Variants in PCDHA10 observed in about 807,000 individuals in gnomAD.
PCDHA10 encodes the protein protocadherin alpha-10.
Under a neutral mutation model 61.2 loss-of-function variants are expected in PCDHA10, and 45 were observed. The ratio of observed to expected loss-of-function variants is 0.74; its 90% CI spans 0.58 to 0.94. The LOEUF is 0.94. Ranked by LOEUF, PCDHA10 falls within the 40% of genes least tolerant of loss-of-function variation. The pLI, the probability that PCDHA10 is intolerant of heterozygous loss-of-function variation, is 0.00. For synonymous variants in PCDHA10, 602 were observed against 548.8 expected, an observed-to-expected ratio of 1.10 and a Z score of -1.35; for missense variants, 1,278 against 1,236.2, an observed-to-expected ratio of 1.03 and a Z score of -0.51.
chr5:140,878,060 T>C (rs1251415258), intron 1 of PCDHA10: 2 of 426,090 alleles, frequency 4.7e-6, no homozygotes, highest in Non-Finnish European at 7.6e-6. Flanking sequence ...CCACACTTAA[T>C]ATTTTTCTTT....
chr5:140,884,168 A>G (rs1562800814), intron 1 of PCDHA10: 1 of 1,613,300 alleles, frequency 6.2e-7, no homozygotes, highest in South Asian at 1.1e-5. Context: ...GATCAGCACG[A>G]CGCGCCCTCT....
chr5:140,986,114 T>A (rs1465954606), intron 3 of PCDHA10, among the ~76,000 whole-genome samples: 1 of 152,168 alleles, frequency 6.6e-6, no homozygotes, highest in Non-Finnish European at 1.5e-5. Flanking sequence ...AAGATAAAGA[T>A]GCCACACTCT....
At chr5:140,895,332 G>C (rs1021596445) in intron 1 of PCDHA10, among the ~76,000 whole-genome samples, 1 of 151,584 alleles carries the variant, frequency 6.6e-6, no homozygotes, top group South Asian at 2.1e-4. Context: ...TTCTCAAATT[G>C]TTTTACTATG....
intron 1 of PCDHA10, chr5:140,862,950 G>A (rs559605019): frequency 1.1e-4 from 59 of 541,460 alleles, no homozygotes; most frequent in Non-Finnish European, 2.1e-4. Flanking sequence ...GAGCTGGTGC[G>A]GTATTCAGTG....
chr5:140,892,232 T>C (rs2063437812), intron 1 of PCDHA10, among the ~76,000 whole-genome samples: 1 of 152,176 alleles, frequency 6.6e-6, no homozygotes, highest in African/African-American at 2.4e-5. Context: ...GTGTTTTGTC[T>C]CCACATAAAC....
At chr5:140,865,966 T>C (rs1376241258) in intron 1 of PCDHA10, 5 of 152,194 alleles carry the variant, frequency 3.3e-5, no homozygotes, top group Non-Finnish European at 2.9e-5. Context: ...TTTTGTACAA[T>C]GTGTGATTGA....
At chr5:140,957,269 T>TC (rs2095346885) in intron 1 of PCDHA10, among the ~76,000 whole-genome samples, 1 of 152,070 alleles carries the variant, frequency 6.6e-6, no homozygotes, top group African/African-American at 2.4e-5. Context: ...TAAGCACTAG[T>TC]CCCCCCTTAC....
At chr5:140,929,663 G>A (rs1284467278) in intron 1 of PCDHA10, 1 of 336,002 alleles carries the variant, frequency 3.0e-6, no homozygotes, top group African/African-American at 2.1e-5. Context: ...TATTTAAAGT[G>A]AAGAATGAAA....
chr5:140,965,323 G>A (rs2095891055), intron 1 of PCDHA10, among the ~76,000 whole-genome samples: 1 of 152,176 alleles, frequency 6.6e-6, no homozygotes, highest in South Asian at 2.1e-4. Flanking sequence ...TTTTACTGAA[G>A]TGAATTTGTT....
chr5:140,884,150 A>G (rs782776110), intron 1 of PCDHA10: 14 of 1,613,346 alleles, frequency 8.7e-6, no homozygotes, highest in Non-Finnish European at 1.1e-5. Context: ...GGGGCTGTAC[A>G]CTGGCGAGAT....
At chr5:140,963,168 T>G (rs1554226465) in intron 1 of PCDHA10, among the ~76,000 whole-genome samples, 1 of 152,160 alleles carries the variant, frequency 6.6e-6, no homozygotes, top group East Asian at 1.9e-4. Flanking sequence ...ACATGCCATC[T>G]TACAGATATG....
chr5:140,999,011 A>G (rs2097843002), intron 3 of PCDHA10, among the ~76,000 whole-genome samples: 1 of 152,246 alleles, frequency 6.6e-6, no homozygotes, highest in Non-Finnish European at 1.5e-5. Flanking sequence ...CTGAGATTTG[A>G]ACCCAAGACT....
chr5:140,883,403 T>C (rs1009539034), intron 1 of PCDHA10: 1 of 1,614,168 alleles, frequency 6.2e-7, no homozygotes, highest in Non-Finnish European at 8.5e-7. Context: ...CGATCGTGAC[T>C]CTGGCTCAAA....
At chr5:140,864,927 G>T (rs2048656466) in intron 1 of PCDHA10, 1 of 152,138 alleles carries the variant, frequency 6.6e-6, no homozygotes, top group Non-Finnish European at 1.5e-5. Flanking sequence ...GCTTGGCAGG[G>T]TGTCTCAGGC....
At chr5:140,948,351 A>G (rs951541212) in intron 1 of PCDHA10, among the ~76,000 whole-genome samples, 1 of 151,646 alleles carries the variant, frequency 6.6e-6, no homozygotes, top group East Asian at 1.9e-4. Flanking sequence ...TTCTAACCTA[A>G]TAAAATGACT....
At chr5:140,904,818 G>A (rs1186696681) in intron 1 of PCDHA10, among the ~76,000 whole-genome samples, 1 of 152,070 alleles carries the variant, frequency 6.6e-6, no homozygotes, top group Non-Finnish European at 1.5e-5. Flanking sequence ...GTGATGTTGA[G>A]CATTTTTTTA....
intron 1 of PCDHA10, among the ~76,000 whole-genome samples, chr5:140,945,632 A>G (rs1258111936): frequency 6.6e-6 from 1 of 152,168 alleles, no homozygotes; most frequent in African/African-American, 2.4e-5. Flanking sequence ...GGCATAAAAG[A>G]CATGTAGACC....
At chr5:140,882,446 G>T (rs556783584) in intron 1 of PCDHA10, 1 of 1,613,924 alleles carries the variant, frequency 6.2e-7, no homozygotes, top group African/African-American at 1.3e-5. Flanking sequence ...GGCGGAGCTG[G>T]TGCCGCGCCT....
chr5:140,971,295 G>C (rs2096467939), intron 1 of PCDHA10, among the ~76,000 whole-genome samples: 2 of 152,232 alleles, frequency 1.3e-5, no homozygotes, highest in South Asian at 4.1e-4. Flanking sequence ...TATGTACTTT[G>C]GTACACAAAC....
Sources: allele counts gnomAD v4.1 joint callset (sites outside exome capture counted in the v4.1 genomes callset), GRCh38; gene constraint gnomAD v4.1.1; transcripts MANE v1.5; gene names NCBI Gene and HGNC (gene_info 2026-07-23, HGNC 2026-07-21).